Variants in ACVR2A observed in about 807,000 individuals in gnomAD.
The protein encoded by ACVR2A is activin A receptor type 2A, also known as activin receptor type-2A.
Under a neutral mutation model 61.4 loss-of-function variants are expected in ACVR2A, and 7 were observed. The ratio of observed to expected loss-of-function variants is 0.11; its 90% CI spans 0.06 to 0.21. ACVR2A has a LOEUF of 0.21. Ranked by LOEUF, ACVR2A falls within the 10% of genes least tolerant of loss-of-function variation. The probability of loss-of-function intolerance (pLI) is 1.00; values close to 1 mark genes in which losing one functional copy is unlikely to be tolerated. For missense variants in ACVR2A, 322 were observed against 621.7 expected, an observed-to-expected ratio of 0.52 and a Z score of 5.13; for synonymous variants, 193 against 208.3, an observed-to-expected ratio of 0.93 and a Z score of 0.63.
Position 147,845,111 on chromosome 2 carries a change from T to G in ACVR2A, c.-42T>G, listed in dbSNP as rs963686422. 3 of 1,551,800 alleles carry G rather than the reference T, an allele frequency of 1.9e-6. No homozygotes were observed. The African/African-American group carries it at 4.2e-5, about 22-fold the overall frequency. ...CGAGGAAGACCCAGGGAACTGGATA[T>G]CTAGCGAGAACTTCCTCCGGATTCC... On this transcript the variant is annotated 5_prime_UTR_variant, in exon 1 of 11. It introduces an in-frame stop codon into an upstream open reading frame of the 5' UTR. Transcript: ENST00000241416.
At chr2:147,893,115 T>C (rs942340265) in intron 1 of ACVR2A, among the ~76,000 whole-genome samples, 2 of 152,172 alleles carry the variant, frequency 1.3e-5, no homozygotes, top group Non-Finnish European at 2.9e-5. Context: ...TCTGAGCTGA[T>C]TTCTGTCTGC....
chr2:147,913,486 T>G (rs1687169213), intron 4 of ACVR2A, among the ~76,000 whole-genome samples: 1 of 151,998 alleles, frequency 6.6e-6, no homozygotes, highest in Non-Finnish European at 1.5e-5. Context: ...TTTATGCAGT[T>G]ATACAATAAC....
At chr2:147,857,745 A>G (rs1022265132) in intron 1 of ACVR2A, among the ~76,000 whole-genome samples, 5 of 152,030 alleles carry the variant, frequency 3.3e-5, no homozygotes, top group African/African-American at 1.2e-4. Context: ...ATTTTATAGT[A>G]CCTACCTCAA....
At chr2:147,890,306 C>T (rs760927140) in intron 1 of ACVR2A, among the ~76,000 whole-genome samples, 2 of 150,100 alleles carry the variant, frequency 1.3e-5, no homozygotes, top group Non-Finnish European at 1.5e-5. Context: ...TTTTTTCTTC[C>T]GTAGTTGAGA....
chr2:147,860,986 G>C (rs1200096801), intron 1 of ACVR2A, among the ~76,000 whole-genome samples: 1 of 152,158 alleles, frequency 6.6e-6, no homozygotes, highest in Non-Finnish European at 1.5e-5. Context: ...TTCAGCTTAG[G>C]TTAAGAGTAT....
At chr2:147,926,654 A>G (rs906572525) in intron 10 of ACVR2A, among the ~76,000 whole-genome samples, 3 of 151,950 alleles carry the variant, frequency 2.0e-5, no homozygotes, top group South Asian at 2.1e-4. Flanking sequence ...CAGTCTAAAT[A>G]TAACTAGAAA....
At chr2:147,850,400 T>C (rs1685414497) in intron 1 of ACVR2A, among the ~76,000 whole-genome samples, 1 of 152,200 alleles carries the variant, frequency 6.6e-6, no homozygotes, top group Non-Finnish European at 1.5e-5. Context: ...GGAATAGTGT[T>C]ACTCTCTTAG....
chr2:147,865,981 A>C (rs1270865728), intron 1 of ACVR2A, among the ~76,000 whole-genome samples: 1 of 152,074 alleles, frequency 6.6e-6, no homozygotes, highest in Non-Finnish European at 1.5e-5. Context: ...GGAATATTTT[A>C]TGTTTTCTCT....
chr2:147,882,808 GAC>G (rs869266968), intron 1 of ACVR2A, among the ~76,000 whole-genome samples: 4 of 132,814 alleles, frequency 3.0e-5, no homozygotes, highest in African/African-American at 1.1e-4. Context: ...GGGTATTACA[GAC>G]AAGAGGAAAA....
Position 147,930,684 on chromosome 2 carries a change from A to AT in ACVR2A, c.*3416dup, listed in dbSNP as rs1352529686. 1.3e-5 allele frequency: 2 copies of AT among 152,292 alleles called. No individual in the cohort carries two copies. The highest frequency in any genetic ancestry group is 2.4e-5 in the African/African-American group (1 of 41,366). 9.4% of individuals were successfully genotyped at this position (152,292 alleles called of 1,614,324 possible). The stretch of plus-strand genomic sequence containing the variant: ...GTACTACTGTCAAATCGTACTTGCT[A>AT]TTTTTTCTGCAAGTATTTAACAGAA... On this transcript the variant is annotated 3_prime_UTR_variant, in exon 11 of 11. Transcript: ENST00000241416.
intron 1 of ACVR2A, among the ~76,000 whole-genome samples, chr2:147,893,841 T>A (rs1261657886): frequency 6.6e-6 from 1 of 152,148 alleles, no homozygotes; most frequent in Admixed American, 6.6e-5. Flanking sequence ...TTCATCCCCT[T>A]AGCCTTCAAA....
In ACVR2A at chr2:147,914,568, A is replaced by G. The variant is rs183400965; in HGVS notation, c.529-623A>G. Among the ~76,000 whole-genome samples, 22 of 152,070 alleles carry G rather than the reference A, an allele frequency of 1.4e-4. No homozygotes were observed. The East Asian group carries it at 4.1e-3, about 28-fold the overall frequency. On this transcript the variant is annotated intron_variant, in intron 4 of 10. Coordinates refer to ENST00000241416, the MANE Select transcript of ACVR2A (RefSeq NM_001616.5). ...CAGAACACAAATGATTTTTTATCTC[A>G]GATCAAAGGGATGAATTGTTAATAT...
chr2:147,899,525 A>G lies in ACVR2A; in HGVS notation c.331A>G (p.Asn111Asp). The G allele has an allele frequency of 1.2e-6, 2 of 1,613,518 alleles. No individual in the cohort carries two copies. Among genetic ancestry groups the G allele is most frequent in the Non-Finnish European group, 1.7e-6 (2 of 1,179,612 alleles). ...TTGTTGCTGTGAGGGCAATATGTGT[A>G]ATGAAAAGTTTTCTTATTTTCCGGA... ...YFCCCEGNMC[N>D]EKFSYFPEME... The change falls in exon 3 of 11, where the codon AAT (asparagine) becomes GAT (aspartate). Residue 111 changes from asparagine (N) to aspartate (D), a missense_variant. Physicochemically the swap from Asn to Asp is conservative, Grantham distance 23. Coordinates refer to ENST00000241416, the MANE Select transcript of ACVR2A (RefSeq NM_001616.5).
intron 10 of ACVR2A, 74 bp downstream of exon 10, chr2:147,926,235 A>G: frequency 6.5e-7 from 1 of 1,527,204 alleles, no homozygotes; most frequent in Non-Finnish European, 8.9e-7. Flanking sequence ...ATCTCTGCAC[A>G]TTTCTCTTTC....
chr2:147,866,315 G>A (rs1186920827), intron 1 of ACVR2A, among the ~76,000 whole-genome samples: 1 of 152,140 alleles, frequency 6.6e-6, no homozygotes, highest in Non-Finnish European at 1.5e-5. Context: ...TTAAAGCAGT[G>A]CTTCTCCAGC....
At chr2:147,892,595 A>G (rs901373704) in intron 1 of ACVR2A, among the ~76,000 whole-genome samples, 11 of 151,734 alleles carry the variant, frequency 7.2e-5, no homozygotes, top group Non-Finnish European at 7.4e-5. Flanking sequence ...ATAATCCATT[A>G]TGTGTTAGTA....
intron 1 of ACVR2A, among the ~76,000 whole-genome samples, chr2:147,866,118 C>A (rs1685848520): frequency 1.3e-5 from 2 of 152,062 alleles, no homozygotes; most frequent in South Asian, 4.1e-4. Context: ...TGGTATCAAG[C>A]ATTAAAGCCA....
chr2:147,917,300 A>G lies in ACVR2A; in HGVS notation c.690A>G (p.Gln230=), dbSNP rs1418153076. 1 of 1,611,796 alleles carries G rather than the reference A, an allele frequency of 6.2e-7. No homozygotes were observed. Among genetic ancestry groups the G allele is most frequent in the Non-Finnish European group, 8.5e-7 (1 of 1,178,696 alleles). The change falls in exon 6 of 11, where the codon CAA becomes CAG. Residue 230 remains glutamine, a synonymous_variant. Transcript: ENST00000241416. The part of the protein sequence containing the change: ...IFPIQDKQSW[Q]NEYEVYSLPG... Reference sequence around the variant, plus strand: ...GACTCTAGGACAAACAGTCATGGCAAAATGAATACGAAGTCTACAGTTTGC... The same window carrying G: ...GACTCTAGGACAAACAGTCATGGCAGAATGAATACGAAGTCTACAGTTTGC...
intron 1 of ACVR2A, among the ~76,000 whole-genome samples, chr2:147,878,335 A>G (rs1485081271): frequency 6.6e-6 from 1 of 152,198 alleles, no homozygotes; most frequent in African/African-American, 2.4e-5. Context: ...CTTTTATAGT[A>G]CTTACGTAAG....
Sources: allele counts gnomAD v4.1 joint callset (sites outside exome capture counted in the v4.1 genomes callset), GRCh38; gene constraint gnomAD v4.1.1; transcripts MANE v1.5; gene names NCBI Gene and HGNC (gene_info 2026-07-23, HGNC 2026-07-21).